The following SCN10A variants were observed in gnomAD, a reference collection of about 807,000 sequenced individuals.
SCN10A encodes the protein sodium voltage-gated channel alpha subunit 10, also known as sodium channel protein type 10 subunit alpha.
Under a neutral mutation model 170.7 loss-of-function variants are expected in SCN10A, and 162 were observed. The ratio of observed to expected loss-of-function variants is 0.95; its 90% confidence interval spans 0.84 to 1.08. The LOEUF (loss-of-function observed/expected upper bound fraction) is 1.08, where lower values mean the gene tolerates loss of function less well. Among genes scored for constraint, SCN10A ranks in the 50% least tolerant of loss-of-function variants. SCN10A has a pLI of 0.00. For synonymous variants in SCN10A, 985 were observed against 904.6 expected (o/e 1.09, Z -1.59); for missense variants, 2,527 against 2,436.9 (o/e 1.04, Z -0.78).
At chr3:38,710,723 G>C in intron 24 of SCN10A, 121 bp downstream of exon 24, 1 of 888,922 alleles carries the variant, frequency 1.1e-6, no homozygotes, top group Non-Finnish European at 1.8e-6. Context: ...GGGACAGTGT[G>C]AGGTTGCTGG....
At chr3:38,772,727 A>AAC (rs1559457281) in intron 4 of SCN10A, among the ~76,000 whole-genome samples, 2 of 89,132 alleles carry the variant, frequency 2.2e-5, no homozygotes, top group African/African-American at 5.6e-5. Context: ...ACAACAACAA[A>AAC]AACAAAAACA....
At chr3:38,804,238 C>A (rs192910024) in intron 1 of SCN10A, among the ~76,000 whole-genome samples, 10 of 152,158 alleles carry the variant, frequency 6.6e-5, no homozygotes, top group Admixed American at 1.3e-4. Context: ...TCAACTTGTT[C>A]TTTTCTCTGC....
chr3:38,709,706 C>T, intron 24 of SCN10A, 91 bp from the exon 25 acceptor site: 3 of 1,203,048 alleles, frequency 2.5e-6, no homozygotes, highest in East Asian at 2.7e-5. Context: ...GACCTGGGTG[C>T]AGGTGATTTA....
chr3:38,742,533 C>T lies in SCN10A; in HGVS notation c.1868-4G>A. The T allele has an allele frequency of 1.2e-6, 2 of 1,612,402 alleles. No individual in the cohort carries two copies. The highest frequency in any genetic ancestry group is 1.7e-6 in the Non-Finnish European group (2 of 1,178,566). On this transcript the variant is annotated splice_polypyrimidine_tract_variant and splice_region_variant and intron_variant, in intron 13 of 27. Transcript: ENST00000449082. ...TTCTGTTCAGACTCCTCGAGTTCTG[C>T]ATTATAGTGTGGTCAATGACAGCTG...
At chr3:38,763,682 A>G (rs1259492444) in intron 5 of SCN10A, 86 bp from the exon 6 acceptor site, 26 of 955,082 alleles carry the variant, frequency 2.7e-5, no homozygotes, top group Non-Finnish European at 4.2e-5. Context: ...CTGGGGTATC[A>G]TTAGCCTAGA....
At chr3:38,751,329 G>A (rs1049807276) in intron 12 of SCN10A, among the ~76,000 whole-genome samples, 2 of 152,136 alleles carry the variant, frequency 1.3e-5, no homozygotes, top group African/African-American at 4.8e-5. Flanking sequence ...GTGCCTCACT[G>A]TCCCTTATTC....
chr3:38,791,431 T>A (rs1338203035), intron 3 of SCN10A, among the ~76,000 whole-genome samples: 1 of 152,210 alleles, frequency 6.6e-6, no homozygotes, highest in Non-Finnish European at 1.5e-5. Context: ...TACAGTCTTG[T>A]ATGGCATGAA....
intron 20 of SCN10A, 42 bp from the exon 21 acceptor site, chr3:38,718,868 C>G (rs368988162): frequency 1.9e-6 from 3 of 1,596,256 alleles, no homozygotes; most frequent in Non-Finnish European, 2.6e-6. Flanking sequence ...CTGCCTGGAC[C>G]CACAGCACTG....
At position 38,720,993 on chromosome 3, in the gene SCN10A, G is replaced by A. The variant is rs907854147; in HGVS notation, c.3507+1265C>T. On this transcript the variant is annotated intron_variant, in intron 20 of 27. Transcript: ENST00000449082. Reference sequence around the variant, plus strand: ...GCCAGGGCACTGGGCACCTGCAGCCGCTGTCACACAGTTCCCCCTCCACCC... The same window carrying A: ...GCCAGGGCACTGGGCACCTGCAGCCACTGTCACACAGTTCCCCCTCCACCC... Among the ~76,000 whole-genome samples the A allele has an allele frequency of 3.3e-5, 5 of 152,284 alleles. No homozygotes were observed. In the South Asian group the frequency reaches 6.2e-4, roughly 19 times the overall value.
chr3:38,747,795 T>C (rs1355648862), intron 13 of SCN10A, among the ~76,000 whole-genome samples: 2 of 152,252 alleles, frequency 1.3e-5, no homozygotes, highest in African/African-American at 4.8e-5. Flanking sequence ...CTGCGAACTT[T>C]CTCCTCAGCT....
At chr3:38,789,057 A>T in intron 3 of SCN10A, 21 bp from the exon 4 acceptor site, 1 of 1,430,498 alleles carries the variant, frequency 7.0e-7, no homozygotes, top group Non-Finnish European at 9.9e-7. Flanking sequence ...TGTGTTAAGG[A>T]AAAGCTGAGA....
chr3:38,770,234 G>A (rs896769219), intron 5 of SCN10A, among the ~76,000 whole-genome samples: 1 of 152,204 alleles, frequency 6.6e-6, no homozygotes, highest in Non-Finnish European at 1.5e-5. Flanking sequence ...TGCATTAGTA[G>A]AAGGGGGATC....
intron 15 of SCN10A, among the ~76,000 whole-genome samples, chr3:38,734,844 GTAAAAA>G (rs2063543903): frequency 6.6e-6 from 1 of 152,262 alleles, no homozygotes; most frequent in East Asian, 1.9e-4. Flanking sequence ...CAGTGATCTA[GTAAAAA>G]GAACCTAATG....
intron 1 of SCN10A, among the ~76,000 whole-genome samples, chr3:38,794,860 T>A (rs751327608): frequency 6.6e-6 from 1 of 152,118 alleles, no homozygotes; most frequent in Non-Finnish European, 1.5e-5. Context: ...ATTTCCTAGT[T>A]CATGGAGAAA....
At chr3:38,734,987 G>A (rs1370213350) in intron 15 of SCN10A, among the ~76,000 whole-genome samples, 3 of 151,942 alleles carry the variant, frequency 2.0e-5, no homozygotes, top group African/African-American at 4.8e-5. Flanking sequence ...TGGCTAACAC[G>A]GTGAAACCCC....
chr3:38,766,953 C>T (rs2126037154), intron 5 of SCN10A, among the ~76,000 whole-genome samples: 1 of 152,028 alleles, frequency 6.6e-6, no homozygotes, highest in South Asian at 2.1e-4. Context: ...CTGATTTAAT[C>T]TAAGACAGTT....
rs2063380093 is a variant in SCN10A at position 38,720,634 on chromosome 3, G to C, written c.3507+1624C>G. Among the ~76,000 whole-genome samples the C allele has an allele frequency of 2.0e-5, 3 of 152,124 alleles. No individual in the cohort carries two copies. In the South Asian group the frequency reaches 6.2e-4, roughly 32 times the overall value. On this transcript the variant is annotated intron_variant, in intron 20 of 27. Transcript: ENST00000449082. ...GGAAGGAGATGGGAGGGAAGGGAGA[G>C]CTGCAGGGGGCGGGCTGGGCTGGCG... is the stretch of plus-strand genomic sequence containing the variant.
intron 15 of SCN10A, among the ~76,000 whole-genome samples, chr3:38,737,807 T>TCTTC (rs1491190692): frequency 6.9e-5 from 8 of 115,164 alleles, no homozygotes; most frequent in African/African-American, 3.3e-4. Context: ...CCTCTTTCTT[T>TCTTC]CTTTCTTTCT....
intron 20 of SCN10A, among the ~76,000 whole-genome samples, chr3:38,719,468 A>C (rs2063367249): frequency 7.4e-6 from 1 of 134,926 alleles, no homozygotes. Flanking sequence ...ATCTCGGCTC[A>C]CTGCAAGCTC....
Sources: gnomAD v4.1 joint callset for allele counts (sites outside exome capture counted in the v4.1 genomes callset) on GRCh38, gnomAD v4.1.1 for gene constraint, MANE v1.5 for transcripts, NCBI Gene and HGNC (gene_info 2026-07-23, HGNC 2026-07-21) for gene names.